ZNF609: variants seen among roughly 807,000 people sequenced by gnomAD.
The protein encoded by ZNF609 is zinc finger protein 609.
A neutral mutation model predicts 109.5 loss-of-function variants in ZNF609; 11 were observed. The observed-to-expected ratio is 0.10, with a 90% CI of 0.06 to 0.17. The LOEUF (loss-of-function observed/expected upper bound fraction) is 0.17. Ranked by LOEUF, ZNF609 falls within the 10% of genes least tolerant of loss-of-function variation. The pLI, the probability that ZNF609 is intolerant of heterozygous loss-of-function variation, is 1.00. For missense variants in ZNF609, 1,559 were observed against 1,772.4 expected (o/e 0.88, Z 2.16); for synonymous variants, 646 against 662.0 (o/e 0.98, Z 0.37).
intron 2 of ZNF609, among the ~76,000 whole-genome samples, chr15:64,603,008 G>C (rs889780710): frequency 2.7e-5 from 4 of 148,542 alleles, no homozygotes; most frequent in African/African-American, 1.0e-4. Flanking sequence ...GTCTCCCAAA[G>C]TGCTGGGATT....
intron 2 of ZNF609, among the ~76,000 whole-genome samples, chr15:64,575,123 C>T (rs1894927508): frequency 2.0e-5 from 3 of 152,112 alleles, no homozygotes; most frequent in Admixed American, 2.0e-4. Flanking sequence ...AGGAAACAGC[C>T]TCAAAGTGTG....
intron 1 of ZNF609, among the ~76,000 whole-genome samples, chr15:64,481,694 G>T (rs1237935692): frequency 6.6e-6 from 1 of 152,168 alleles, no homozygotes; most frequent in Non-Finnish European, 1.5e-5. Flanking sequence ...CCCACAGACT[G>T]ATTAGGAACA....
Position 64,500,396 on chromosome 15 carries a change from TG to T in ZNF609, c.747+235del. 5 of 740,058 alleles carry T rather than the reference TG, an allele frequency of 6.8e-6. No individual in the cohort carries two copies. The East Asian group carries it at 1.3e-4, about 20-fold the overall frequency. 45.8% of individuals were successfully genotyped at this position (740,058 alleles called of 1,614,324 possible). A position where few individuals can be genotyped will look rare whatever the true frequency, so the allele number is the denominator to read the frequency against. ...CATTGTGGAACAGGATATTTGTTGT[TG>T]GGGGCAGCTACTTTGTAGAATGAAC... On this transcript the variant is annotated intron_variant, in intron 2 of 9. Coordinates refer to ENST00000326648, the MANE Select transcript of ZNF609 (RefSeq NM_015042.2).
At chr15:64,479,854 G>A (rs1419954407) in intron 1 of ZNF609, among the ~76,000 whole-genome samples, 1 of 151,996 alleles carries the variant, frequency 6.6e-6, no homozygotes, top group Non-Finnish European at 1.5e-5. Flanking sequence ...GGGAGGCAGA[G>A]GTTGTAGTGA....
intron 1 of ZNF609, among the ~76,000 whole-genome samples, chr15:64,492,714 C>G (rs1893431121): frequency 6.6e-6 from 1 of 152,070 alleles, no homozygotes; most frequent in South Asian, 2.1e-4. Flanking sequence ...GATTTATATC[C>G]TCATGATATG....
intron 2 of ZNF609, chr15:64,529,619 A>C (rs1595708782): frequency 1.8e-6 from 2 of 1,082,614 alleles, no homozygotes; most frequent in Non-Finnish European, 2.8e-6. Flanking sequence ...GTCATGGTGC[A>C]CCAGGCACCC....
At position 64,594,849 on chromosome 15, in the gene ZNF609, A is replaced by C. The variant is rs868172881; in HGVS notation, c.748-27978A>C. ...AGACCATCCTGGCTAACAAGGTGAA[A>C]CCTCGTCTCTACTAAAAATACAAAA... On this transcript the variant is annotated intron_variant, in intron 2 of 9. Transcript: ENST00000326648. Among the ~76,000 whole-genome samples the C allele has an allele frequency of 5.2e-3, 761 of 146,548 alleles. 5 individuals carry two copies. Among genetic ancestry groups the C allele is most frequent in the Middle Eastern group, 0.018 (5 of 276 alleles).
intron 2 of ZNF609, among the ~76,000 whole-genome samples, chr15:64,515,780 T>A (rs1893797546): frequency 6.6e-6 from 1 of 151,724 alleles, no homozygotes; most frequent in South Asian, 2.1e-4. Context: ...CTACTAAAAA[T>A]ACAAAAAATT....
intron 4 of ZNF609, among the ~76,000 whole-genome samples, chr15:64,673,090 T>C (rs1236182015): frequency 6.6e-6 from 1 of 152,106 alleles, no homozygotes; most frequent in East Asian, 1.9e-4. Context: ...CATGCAAGAA[T>C]CCAGAGAGAT....
intron 1 of ZNF609, among the ~76,000 whole-genome samples, chr15:64,471,759 T>G (rs1893094701): frequency 6.6e-6 from 1 of 151,796 alleles, no homozygotes; most frequent in South Asian, 2.1e-4. Flanking sequence ...AATTTTTTAT[T>G]TTTAGTGGAG....
intron 2 of ZNF609, among the ~76,000 whole-genome samples, chr15:64,618,782 G>A (rs1405119400): frequency 6.6e-6 from 1 of 152,074 alleles, no homozygotes; most frequent in Non-Finnish European, 1.5e-5. Flanking sequence ...ACGCCCTCTC[G>A]AGGTCCAGCC....
intron 2 of ZNF609, among the ~76,000 whole-genome samples, chr15:64,611,718 G>C (rs1261422466): frequency 6.6e-6 from 1 of 151,582 alleles, no homozygotes; most frequent in Non-Finnish European, 1.5e-5. Context: ...AATGTTCACT[G>C]TACTTGAATT....
chr15:64,680,584 T>G lies in ZNF609; in HGVS notation c.3946-62T>G, dbSNP rs1380651422. The G allele has an allele frequency of 1.2e-5, 16 of 1,364,778 alleles. No homozygotes were observed. In the East Asian group the frequency reaches 3.2e-4, roughly 27 times the overall value. The allele number at this position is 1,364,778 out of a possible 1,614,324, so 84.5% of individuals were successfully genotyped here. A position where few individuals can be genotyped will look rare whatever the true frequency, so the allele number is the denominator to read the frequency against. ...ACTTGTGTGTGTGTGTGTGTGTGTGTGTGTGGTTGTATGCATATGTGTCTC... is the reference window on the plus strand; with the variant it reads ...ACTTGTGTGTGTGTGTGTGTGTGTGGGTGTGGTTGTATGCATATGTGTCTC... On this transcript the variant is annotated intron_variant, in intron 7 of 9. Coordinates refer to ENST00000326648, the MANE Select transcript of ZNF609 (RefSeq NM_015042.2).
intron 2 of ZNF609, among the ~76,000 whole-genome samples, chr15:64,536,723 A>ACCC (rs34575004): frequency 1.8e-4 from 23 of 125,518 alleles, no homozygotes; most frequent in African/African-American, 6.7e-4. Context: ...CTAAAATTCC[A>ACCC]CCCCCCCCCC....
intron 2 of ZNF609, among the ~76,000 whole-genome samples, chr15:64,503,659 A>G (rs771008934): frequency 3.9e-5 from 6 of 152,170 alleles, no homozygotes; most frequent in Non-Finnish European, 7.4e-5. Flanking sequence ...TAGTTAAAGA[A>G]AGGATCTAGA....
intron 5 of ZNF609, among the ~76,000 whole-genome samples, chr15:64,676,483 T>C (rs549749625): frequency 2.6e-4 from 39 of 152,314 alleles, no homozygotes; most frequent in African/African-American, 9.4e-4. Context: ...CAGGCTAGAG[T>C]GCAGTGGTGC....
chr15:64,513,160 A>G (rs771641365), intron 2 of ZNF609, among the ~76,000 whole-genome samples: 1 of 152,104 alleles, frequency 6.6e-6, no homozygotes, highest in Non-Finnish European at 1.5e-5. Flanking sequence ...GTTTTGGAGT[A>G]TCTCAAATTC....
At chr15:64,548,130 G>A (rs1894398733) in intron 2 of ZNF609, among the ~76,000 whole-genome samples, 1 of 152,164 alleles carries the variant, frequency 6.6e-6, no homozygotes, top group Non-Finnish European at 1.5e-5. Flanking sequence ...AGCAAGCTAT[G>A]CTGCGATCCC....
chr15:64,547,486 A>T (rs1334997491), intron 2 of ZNF609, among the ~76,000 whole-genome samples: 1 of 152,212 alleles, frequency 6.6e-6, no homozygotes, highest in East Asian at 1.9e-4. Context: ...GCAGATGGGA[A>T]ACAAGGCTGC....
Sources: allele counts gnomAD v4.1 joint callset (sites outside exome capture counted in the v4.1 genomes callset), GRCh38; gene constraint gnomAD v4.1.1; transcripts MANE v1.5; gene names NCBI Gene and HGNC (gene_info 2026-07-23, HGNC 2026-07-21).